The following PTPRN2 variants were observed in gnomAD, a reference collection of about 807,000 sequenced individuals.
The protein encoded by PTPRN2 is receptor-type tyrosine-protein phosphatase N2.
In PTPRN2, 74 loss-of-function variants were observed where a neutral mutation model predicts 118.8. The ratio of observed to expected loss-of-function variants is 0.62; its 90% CI spans 0.52 to 0.76. PTPRN2 has a LOEUF of 0.76. Ranked by LOEUF, PTPRN2 falls within the 30% of genes least tolerant of loss-of-function variation. The pLI, the probability that PTPRN2 is intolerant of heterozygous loss-of-function variation, is 0.00. For missense variants in PTPRN2, 1,481 were observed against 1,394.4 expected (o/e 1.06, Z -0.99); for synonymous variants, 641 against 608.0 (o/e 1.05, Z -0.80).
chr7:158,259,745 A>C (rs1020568399), intron 3 of PTPRN2, among the ~76,000 whole-genome samples: 2 of 147,960 alleles, frequency 1.4e-5, no homozygotes, highest in African/African-American at 4.9e-5. Flanking sequence ...CCATGTGTCC[A>C]TGAGTACACA....
intron 15 of PTPRN2, chr7:157,613,894 G>C (rs891228880): frequency 5.2e-6 from 2 of 386,362 alleles, no homozygotes; most frequent in Non-Finnish European, 1.1e-5. Flanking sequence ...AGCAGACCTC[G>C]GCGCTGCTAT....
intron 2 of PTPRN2, among the ~76,000 whole-genome samples, chr7:158,324,179 G>A (rs1441897898): frequency 6.6e-6 from 1 of 152,068 alleles, no homozygotes; most frequent in East Asian, 1.9e-4. Flanking sequence ...TAGACAAGAC[G>A]GCACCTCGCC....
At chr7:158,490,618 A>G (rs1164022617) in intron 1 of PTPRN2, among the ~76,000 whole-genome samples, 1 of 152,272 alleles carries the variant, frequency 6.6e-6, no homozygotes, top group African/African-American at 2.4e-5. Flanking sequence ...CCTGGACACC[A>G]GAACCGGGAG....
chr7:158,325,988 C>A (rs1241573581), intron 2 of PTPRN2, among the ~76,000 whole-genome samples: 3 of 152,206 alleles, frequency 2.0e-5, no homozygotes, highest in Non-Finnish European at 4.4e-5. Flanking sequence ...ACGCGGCCTC[C>A]TGGGGGTGTC....
intron 5 of PTPRN2, among the ~76,000 whole-genome samples, chr7:158,169,805 C>T (rs922162477): frequency 3.3e-5 from 5 of 152,024 alleles, no homozygotes; most frequent in African/African-American, 1.2e-4. Context: ...GACTCTCCTG[C>T]TTCAGCCTCC....
At chr7:157,967,934 G>T (rs1468096040) in intron 11 of PTPRN2, among the ~76,000 whole-genome samples, 2 of 152,076 alleles carry the variant, frequency 1.3e-5, no homozygotes, top group African/African-American at 4.8e-5. Context: ...ATGAACACCA[G>T]TGTGACCAGT....
rs1802681634 is a variant in PTPRN2, at chr7:157,615,239, G to A, written c.2344+6123C>T. The A allele has an allele frequency of 8.7e-6, 3 of 343,890 alleles. No individual in the cohort carries two copies. Among genetic ancestry groups the A allele is most frequent in the Admixed American group, 7.7e-5 (2 of 25,990 alleles). 21.3% of individuals were successfully genotyped at this position (343,890 alleles called of 1,614,324 possible). A position where few individuals can be genotyped will look rare whatever the true frequency, so the allele number is the denominator to read the frequency against. On this transcript the variant is annotated intron_variant, in intron 15 of 22. Transcript: ENST00000389418. The surrounding 1 kb of genome is among the most constrained non-coding windows in gnomAD (Gnocchi z 4.3). ...TAAAACTCTTGTAATAAAAAGTGGG[G>A]GAGGAAGTCATGCTAAGCCAGCCAC... is the stretch of plus-strand genomic sequence containing the variant.
chr7:157,569,970 C>G (rs921939809), intron 20 of PTPRN2, among the ~76,000 whole-genome samples: 1 of 152,236 alleles, frequency 6.6e-6, no homozygotes, highest in African/African-American at 2.4e-5. Flanking sequence ...CGTCTGTGAT[C>G]CCAAGAAATG....
chr7:158,096,059 C>T (rs1400050839), intron 10 of PTPRN2, among the ~76,000 whole-genome samples: 3 of 152,202 alleles, frequency 2.0e-5, no homozygotes, highest in Non-Finnish European at 2.9e-5. Flanking sequence ...CAATCTGAAT[C>T]CATTAACAGT....
intron 17 of PTPRN2, among the ~76,000 whole-genome samples, chr7:157,589,633 G>T: frequency 6.6e-6 from 1 of 152,194 alleles, no homozygotes; most frequent in Non-Finnish European, 1.5e-5. Context: ...ATGGGTATGA[G>T]GTGTTAAGAC....
At chr7:157,540,972 G>A (rs936031637) in intron 22 of PTPRN2, among the ~76,000 whole-genome samples, 187 bp from the exon 23 acceptor site, 1 of 152,266 alleles carries the variant, frequency 6.6e-6, no homozygotes, top group Admixed American at 6.5e-5. Context: ...CCTTAGAAAG[G>A]ACAGTGTACC....
rs1434578780 is a variant in PTPRN2 at position 158,149,699 on chromosome 7, G to A, written c.911-11184C>T. Among the ~76,000 whole-genome samples, 4 of 152,124 alleles carry A rather than the reference G, an allele frequency of 2.6e-5. No individual in the cohort carries two copies. In the East Asian group the frequency reaches 7.8e-4, roughly 30 times the overall value. The stretch of plus-strand genomic sequence containing the variant: ...CATGCCTGTAGTCCCAGCTACTCAG[G>A]AGGCTAAGGCAGGAGAATTGCTTGA... On this transcript the variant is annotated intron_variant, in intron 6 of 22. Transcript: ENST00000389418.
At chr7:158,536,023 C>A (rs1825623241) in intron 1 of PTPRN2, among the ~76,000 whole-genome samples, 1 of 151,032 alleles carries the variant, frequency 6.6e-6, no homozygotes, top group Non-Finnish European at 1.5e-5. Context: ...CATAACCACA[C>A]AAAACACTCA....
At chr7:157,832,789 A>C (rs1390534527) in intron 12 of PTPRN2, among the ~76,000 whole-genome samples, 3 of 152,206 alleles carry the variant, frequency 2.0e-5, no homozygotes, top group Non-Finnish European at 4.4e-5. Flanking sequence ...CAGTATATGG[A>C]GCAGTTCTCT....
chr7:157,743,060 A>G (rs755046866), intron 12 of PTPRN2, among the ~76,000 whole-genome samples: 12 of 152,052 alleles, frequency 7.9e-5, no homozygotes, highest in Non-Finnish European at 1.6e-4. Context: ...TCACTGAGCC[A>G]GGCTGTGCTT....
At chr7:157,692,221 C>T (rs1797537133) in intron 12 of PTPRN2, among the ~76,000 whole-genome samples, 1 of 152,064 alleles carries the variant, frequency 6.6e-6, no homozygotes. Context: ...CACTCGACGC[C>T]CCTCCCGCCG....
chr7:157,565,316 T>C (rs1799429566), intron 21 of PTPRN2, among the ~76,000 whole-genome samples: 1 of 152,368 alleles, frequency 6.6e-6, no homozygotes, highest in East Asian at 1.9e-4. Context: ...CGCTCCAGCA[T>C]GGGCTCACAA....
intron 2 of PTPRN2, among the ~76,000 whole-genome samples, chr7:158,486,502 C>G (rs1489722935): frequency 1.3e-5 from 2 of 152,218 alleles, no homozygotes; most frequent in African/African-American, 4.8e-5. Context: ...AGCATCTAAA[C>G]TCTCTTTTCT....
chr7:158,405,714 CT>C (rs1380904879), intron 2 of PTPRN2, among the ~76,000 whole-genome samples: 2 of 152,250 alleles, frequency 1.3e-5, no homozygotes, highest in East Asian at 3.8e-4. Context: ...GGAGCCTGCA[CT>C]TGGAAAACTC....
Sources: allele counts gnomAD v4.1 joint callset (sites outside exome capture counted in the v4.1 genomes callset), GRCh38; gene constraint gnomAD v4.1.1; non-coding constraint Gnocchi (gnomAD v3.1); transcripts MANE v1.5; gene names NCBI Gene and HGNC (gene_info 2026-07-23, HGNC 2026-07-21).